The following SH2B1 variants were observed in gnomAD, a reference collection of about 807,000 sequenced individuals.
The protein encoded by SH2B1 is SH2B adaptor protein 1, also known as SH2B adapter protein 1.
A neutral mutation model predicts 62.6 loss-of-function variants in SH2B1; 15 were observed. The observed-to-expected ratio is 0.24, with a 90% CI of 0.16 to 0.37. SH2B1 has a LOEUF of 0.37. Among genes scored for constraint, SH2B1 ranks in the 10% least tolerant of loss-of-function variants. The pLI is 1.00. For missense variants in SH2B1, 925 were observed against 1,015.6 expected (o/e 0.91, Z 1.21); for synonymous variants, 443 against 438.0 (o/e 1.01, Z -0.14).
chr16:28,872,179 C>T lies in SH2B1; in HGVS notation c.1514-11C>T. ...GACACCCCGGTTTCCCTCCCTCTCT[C>T]CTTCCTGAAGGGTCCTTCCTGTTCC... is the stretch of plus-strand genomic sequence containing the variant. On this transcript the variant is annotated splice_polypyrimidine_tract_variant and intron_variant, in intron 5 of 7. Transcript: ENST00000684370. The surrounding 1 kb of genome is among the most constrained non-coding windows in gnomAD (Gnocchi z 5.3). The T allele has an allele frequency of 6.2e-7, 1 of 1,608,448 alleles. No homozygotes were observed.
At chr16:28,852,715 CATATATATTTATATATATACAT>C (rs1962177792) in intron 1 of SH2B1, among the ~76,000 whole-genome samples, 3 of 35,722 alleles carry the variant, frequency 8.4e-5, no homozygotes, top group African/African-American at 2.6e-4. Flanking sequence ...TATATATTTA[CATATATATTTATATATATACAT>C]ATATATATTT....
chr16:28,852,738 A>G lies in SH2B1; in HGVS notation c.-301+5911A>G, dbSNP rs1211742278. On this transcript the variant is annotated intron_variant, in intron 1 of 10. Coordinates refer to the SH2B1 transcript ENST00000322610. ...TACATATATATTTATATATATACAT[A>G]TATATATTTACATATATATGTATAT... Among the ~76,000 whole-genome samples, 16 of 59,738 alleles carry G rather than the reference A, an allele frequency of 2.7e-4. 3 individuals carry two copies. The highest frequency in any genetic ancestry group is 1.0e-3 in the Admixed American group (3 of 2,994). 39.2% of individuals were successfully genotyped at this position (59,738 alleles called of 152,430 possible).
rs1376153409 is a variant in SH2B1 at position 28,867,376 on chromosome 16, G to A, written c.985G>A (p.Val329Ile). The A allele has an allele frequency of 1.9e-5, 30 of 1,614,056 alleles. No individual in the cohort carries two copies. The highest frequency in any genetic ancestry group is 1.5e-4 in the African/African-American group (11 of 74,930). The change falls in exon 2 of 8, where the codon GTC becomes ATC. Residue 329 changes from valine (V) to isoleucine (I), a missense_variant. Val to Ile is a conservative substitution (Grantham distance 29, BLOSUM62 3). Coordinates refer to ENST00000684370, the MANE Select transcript of SH2B1 (RefSeq NM_001387430.1). ...CATCCCCTGCTCTTCTATCACAGAC[G>A]TCCGGACAACCACAGCCCTGGAGAT... ...LSIPCSSITDVRTTTALEMPD... is the reference protein window; with the variant it reads ...LSIPCSSITDIRTTTALEMPD...
Position 28,873,874 on chromosome 16 carries a change from T to G in SH2B1, c.*54T>G. 7.2e-7 allele frequency: 1 copy of G among 1,384,848 alleles called. No individual in the cohort carries two copies. The highest frequency in any genetic ancestry group is 9.3e-7 in the Non-Finnish European group (1 of 1,073,162). The allele number at this position is 1,384,848 out of a possible 1,614,324, so 85.8% of individuals were successfully genotyped here. On this transcript the variant is annotated 3_prime_UTR_variant, in exon 8 of 8. Coordinates refer to ENST00000684370, the MANE Select transcript of SH2B1 (RefSeq NM_001387430.1). This position sits in a 1 kb window ranked among gnomAD's most constrained non-coding sequence, Gnocchi z 4.2. ...AACCCCCCAGCCCTGCTCGTGAGAT[T>G]GGGCTGGGTAGGGACAGAGGAGGCC...
At chr16:28,869,157 G>A (rs368476708) in intron 3 of SH2B1, 51 bp from the exon 4 acceptor site, 13 of 1,613,430 alleles carry the variant, frequency 8.1e-6, no homozygotes, top group African/African-American at 4.0e-5. Context: ...GCAGCCTTGC[G>A]CCTCTCACCT....
upstream of SH2B1, chr16:28,862,385 C>T (rs533798110): frequency 1.3e-5 from 2 of 152,288 alleles, no homozygotes; most frequent in African/African-American, 2.4e-5. Flanking sequence ...ACTTCCGACT[C>T]TGGGGTTCAA....
intron 4 of SH2B1, among the ~76,000 whole-genome samples, chr16:28,870,520 G>C (rs1253462028): frequency 6.6e-6 from 1 of 152,166 alleles, no homozygotes; most frequent in South Asian, 2.1e-4. Context: ...GAAGAGACAT[G>C]AATACAAGGT....
At chr16:28,851,713 T>G (rs567972802) in intron 1 of SH2B1, among the ~76,000 whole-genome samples, 2 of 150,012 alleles carry the variant, frequency 1.3e-5, no homozygotes, top group East Asian at 4.1e-4. Context: ...TCCACCCGCC[T>G]CAGCCTCCCA....
At chr16:28,856,148 C>T (rs1962319855) in intron 1 of SH2B1, among the ~76,000 whole-genome samples, 1 of 149,730 alleles carries the variant, frequency 6.7e-6, no homozygotes, top group Non-Finnish European at 1.5e-5. Flanking sequence ...GTGGTGGGTG[C>T]CTGTAATCCC....
upstream of SH2B1, chr16:28,861,774 C>G (rs1803006784): frequency 6.6e-6 from 1 of 152,224 alleles, no homozygotes; most frequent in Non-Finnish European, 1.5e-5. Flanking sequence ...CCGTCTTCCC[C>G]TCTTGGGTTA....
At position 28,864,485 on chromosome 16, in the gene SH2B1, G is replaced by C. The variant is rs1962578757; in HGVS notation, c.-1610G>C. 2 of 985,768 alleles carry C rather than the reference G, an allele frequency of 2.0e-6. No homozygotes were observed. Among genetic ancestry groups the C allele is most frequent in the Non-Finnish European group, 2.4e-6 (2 of 830,054 alleles). 61.1% of individuals were successfully genotyped at this position (985,768 alleles called of 1,614,324 possible). ...TCCATGACTCCTGCATCTCCTGATT[G>C]TTTCTCGTTGGTTTGGAGTTGTCCC... On this transcript the variant is annotated 5_prime_UTR_variant, in exon 1 of 8. Transcript: ENST00000684370.
Position 28,865,189 on chromosome 16 carries a change from C to T in SH2B1, c.-906C>T. On this transcript the variant is annotated 5_prime_UTR_variant, in exon 1 of 8. Coordinates refer to ENST00000684370, the MANE Select transcript of SH2B1 (RefSeq NM_001387430.1). ...TTTGTTTACGTGAGGCCAGCAAAGA[C>T]TTGACCTGAGCCAACCCAGTTTCTC... The T allele has an allele frequency of 1.0e-6, 1 of 985,614 alleles. No individual in the cohort carries two copies. The highest frequency in any genetic ancestry group is 6.1e-5 in the Admixed American group (1 of 16,294). 61.1% of individuals were successfully genotyped at this position (985,614 alleles called of 1,614,324 possible).
chr16:28,866,041 T>C lies in SH2B1; in HGVS notation c.-54T>C, dbSNP rs1962665521. On this transcript the variant is annotated 5_prime_UTR_variant, in exon 1 of 8. Coordinates refer to ENST00000684370, the MANE Select transcript of SH2B1 (RefSeq NM_001387430.1). This position sits in a 1 kb window ranked among gnomAD's most constrained non-coding sequence, Gnocchi z 6.3. ...TGCCGCCCACCCCTCGTCTTCTGGC[T>C]GCCTCCCTCTTTGTGCCCCACAGGC... 7.3e-6 allele frequency: 11 copies of C among 1,504,170 alleles called. No individual in the cohort carries two copies. Among genetic ancestry groups the C allele is most frequent in the Non-Finnish European group, 9.7e-6 (11 of 1,134,964 alleles). 93.2% of individuals were successfully genotyped at this position (1,504,170 alleles called of 1,614,324 possible). A position where few individuals can be genotyped will look rare whatever the true frequency, so the allele number is the denominator to read the frequency against.
intron 2 of SH2B1, among the ~76,000 whole-genome samples, chr16:28,868,632 GT>G (rs1272647889): frequency 6.6e-6 from 1 of 151,772 alleles, no homozygotes; most frequent in African/African-American, 2.4e-5. Context: ...GCTAATTTTT[GT>G]TTTTAGTAGA....
intron 4 of SH2B1, among the ~76,000 whole-genome samples, chr16:28,870,426 T>C (rs957683434): frequency 6.6e-6 from 1 of 152,002 alleles, no homozygotes. Flanking sequence ...AGGACATGCC[T>C]GGGGACGTGA....
At chr16:28,848,095 G>A (rs1962024026) in intron 1 of SH2B1, among the ~76,000 whole-genome samples, 1 of 151,518 alleles carries the variant, frequency 6.6e-6, no homozygotes, top group Non-Finnish European at 1.5e-5. Flanking sequence ...CAAAGTGCTG[G>A]GACTACAGGC....
intron 4 of SH2B1, among the ~76,000 whole-genome samples, chr16:28,870,922 A>T (rs1234780227): frequency 6.6e-6 from 1 of 151,990 alleles, no homozygotes; most frequent in African/African-American, 2.4e-5. Context: ...CCTGGGCTCA[A>T]GTCATTCTCA....
At chr16:28,871,711 G>T (rs1436744740) in intron 4 of SH2B1, 69 bp from the exon 5 acceptor site, 15 of 1,287,478 alleles carry the variant, frequency 1.2e-5, no homozygotes, top group Non-Finnish European at 1.7e-5. Flanking sequence ...CTGGTGAGGA[G>T]ATGGGCCCAG....
chr16:28,873,507 C>T lies in SH2B1; in HGVS notation c.1958C>T (p.Pro653Leu), dbSNP rs777921357. ...GAACCCCCTTCATGGACAGATCCCCCACAGCCTGGGGCAGAAGAGGCGTCG... is the reference window on the plus strand; with the variant it reads ...GAACCCCCTTCATGGACAGATCCCCTACAGCCTGGGGCAGAAGAGGCGTCG... The part of the protein sequence containing the change: ...PPEPPSWTDP[P>L]QPGAEEASRA... Residue 653 changes from proline (P) to leucine (L), a missense_variant, in exon 8 of 8, where the codon CCA becomes CTA. By Grantham distance (98) the Pro-to-Leu change is moderately conservative (BLOSUM62 -3). Coordinates refer to ENST00000684370, the MANE Select transcript of SH2B1 (RefSeq NM_001387430.1). The surrounding 1 kb of genome is among the most constrained non-coding windows in gnomAD (Gnocchi z 4.2). The T allele has an allele frequency of 1.3e-6, 2 of 1,594,606 alleles. No homozygotes were observed. The highest frequency in any genetic ancestry group is 1.1e-5 in the South Asian group (1 of 88,636).
Sources: allele counts gnomAD v4.1 joint callset (sites outside exome capture counted in the v4.1 genomes callset), GRCh38; gene constraint gnomAD v4.1.1; non-coding constraint Gnocchi (gnomAD v3.1); transcripts MANE v1.5; gene names NCBI Gene and HGNC (gene_info 2026-07-23, HGNC 2026-07-21).